The following SNX29 variants were observed in gnomAD, a reference collection of about 807,000 sequenced individuals.
SNX29 encodes sorting nexin 29.
Under a neutral mutation model 102.1 loss-of-function variants are expected in SNX29, and 78 were observed. That is an observed-to-expected ratio of 0.76 (90% CI 0.64 to 0.92). The LOEUF (loss-of-function observed/expected upper bound fraction) is 0.92, where lower values mean the gene tolerates loss of function less well. SNX29 is among the 40% of genes least tolerant of loss of function. The probability of loss-of-function intolerance (pLI) is 0.00; values close to 1 mark genes in which losing one functional copy is unlikely to be tolerated. For missense variants in SNX29, 1,280 were observed against 1,061.7 expected (o/e 1.21, Z -2.86); for synonymous variants, 580 against 414.5 (o/e 1.40, Z -4.85).
At chr16:12,142,522 C>A (rs1018689551) in intron 13 of SNX29, among the ~76,000 whole-genome samples, 3 of 152,182 alleles carry the variant, frequency 2.0e-5, no homozygotes, top group African/African-American at 7.2e-5. Context: ...CAGTTTGATG[C>A]TACTGATGAA....
chr16:12,210,159 C>T (rs1299236037), intron 14 of SNX29, among the ~76,000 whole-genome samples: 1 of 152,176 alleles, frequency 6.6e-6, no homozygotes, highest in East Asian at 1.9e-4. Flanking sequence ...TCCAGGCACA[C>T]TGGTTCAGGG....
intron 13 of SNX29, among the ~76,000 whole-genome samples, chr16:12,161,942 C>T (rs1166568769): frequency 6.6e-6 from 1 of 152,202 alleles, no homozygotes; most frequent in East Asian, 1.9e-4. Context: ...TCAGGTATTC[C>T]TGATGAGCAA....
chr16:12,414,182 A>G (rs747372897), intron 18 of SNX29, among the ~76,000 whole-genome samples: 23 of 152,190 alleles, frequency 1.5e-4, no homozygotes, highest in Admixed American at 7.2e-4. Context: ...TGGATGCAGA[A>G]CCCACTGATA....
At chr16:12,460,657 CTTTT>C (rs56823217) in intron 18 of SNX29, among the ~76,000 whole-genome samples, 5 of 133,684 alleles carry the variant, frequency 3.7e-5, no homozygotes, top group Non-Finnish European at 6.4e-5. Context: ...TGTGTGAACT[CTTTT>C]TTTTTTTTTT....
chr16:12,562,386 A>G (rs1197674534), intron 20 of SNX29, among the ~76,000 whole-genome samples: 2 of 150,726 alleles, frequency 1.3e-5, no homozygotes, highest in Non-Finnish European at 3.0e-5. Context: ...AAAACAGCTC[A>G]AGAGACAGAT....
At chr16:12,342,313 A>G (rs945046231) in intron 15 of SNX29, among the ~76,000 whole-genome samples, 1 of 152,166 alleles carries the variant, frequency 6.6e-6, no homozygotes, top group Non-Finnish European at 1.5e-5. Context: ...TTAACATACA[A>G]GATCTCGGTC....
At chr16:12,115,375 G>A (rs2053653320) in intron 11 of SNX29, among the ~76,000 whole-genome samples, 1 of 151,808 alleles carries the variant, frequency 6.6e-6, no homozygotes, top group Non-Finnish European at 1.5e-5. Flanking sequence ...ACCCCAGGCA[G>A]GGATGGGACA....
intron 13 of SNX29, among the ~76,000 whole-genome samples, chr16:12,166,983 G>T (rs1488974823): frequency 1.3e-5 from 2 of 152,192 alleles, no homozygotes; most frequent in Admixed American, 1.3e-4. Context: ...TCAGCCAGTG[G>T]TTAAGGAAGG....
chr16:12,437,926 C>T (rs975108042), intron 18 of SNX29, among the ~76,000 whole-genome samples: 16 of 152,140 alleles, frequency 1.1e-4, no homozygotes, highest in Admixed American at 7.2e-4. Context: ...AGCCCAGGGC[C>T]CCAGCGGTCC....
chr16:12,247,081 G>C (rs2078281235), intron 14 of SNX29, among the ~76,000 whole-genome samples: 1 of 152,172 alleles, frequency 6.6e-6, no homozygotes, highest in South Asian at 2.1e-4. Flanking sequence ...GAAAACCTTT[G>C]AAGAGTCCTA....
chr16:12,560,904 A>G (rs1457748113), intron 20 of SNX29: 2 of 195,446 alleles, frequency 1.0e-5, no homozygotes, highest in South Asian at 3.9e-4. Context: ...GGCTTTTTTA[A>G]TCCTTTTAAA....
At chr16:12,494,269 C>T (rs1362348870) in intron 19 of SNX29, among the ~76,000 whole-genome samples, 5 of 152,152 alleles carry the variant, frequency 3.3e-5, no homozygotes, top group Non-Finnish European at 7.4e-5. Context: ...CTGCGTCCTC[C>T]CTGTGCCTCC....
rs186052692 is a variant in SNX29 at position 12,550,302 on chromosome 16, C to A, written c.2319-18204C>A. Among the ~76,000 whole-genome samples the A allele has an allele frequency of 1.4e-3, 208 of 152,240 alleles. 2 individuals carry two copies. The highest frequency in any genetic ancestry group is 4.8e-3 in the African/African-American group (200 of 41,548). On this transcript the variant is annotated intron_variant, in intron 20 of 20. Transcript: ENST00000566228. Reference sequence around the variant, plus strand: ...CTGTAATCCCAGTACTGTGGGAGGCCAAGGTGGTTGGGTCACCTGAGGTCG... The same window carrying A: ...CTGTAATCCCAGTACTGTGGGAGGCAAAGGTGGTTGGGTCACCTGAGGTCG...
chr16:12,205,064 A>G (rs2077011036), intron 14 of SNX29, among the ~76,000 whole-genome samples: 1 of 152,218 alleles, frequency 6.6e-6, no homozygotes, highest in Non-Finnish European at 1.5e-5. Context: ...CCTTCCAAAG[A>G]ATGGGGCAGG....
At chr16:12,458,093 C>A (rs1369887459) in intron 18 of SNX29, among the ~76,000 whole-genome samples, 3 of 152,036 alleles carry the variant, frequency 2.0e-5, no homozygotes, top group Admixed American at 1.3e-4. Context: ...TGCAGCTGTG[C>A]AAAAAAGACT....
chr16:12,537,494 A>G (rs968678273), intron 20 of SNX29, among the ~76,000 whole-genome samples: 1 of 152,188 alleles, frequency 6.6e-6, no homozygotes, highest in Non-Finnish European at 1.5e-5. Context: ...TGATAGTGGC[A>G]GAGATTTCAC....
At chr16:12,022,895 C>CTTTTTTTT (rs34712388) in intron 3 of SNX29, among the ~76,000 whole-genome samples, 1 of 124,168 alleles carries the variant, frequency 8.1e-6, no homozygotes, top group South Asian at 2.5e-4. Context: ...TACCTTATTC[C>CTTTTTTTT]TTTTTTTTTT....
chr16:12,162,273 A>G (rs550751124), intron 13 of SNX29, among the ~76,000 whole-genome samples: 24 of 152,284 alleles, frequency 1.6e-4, no homozygotes, highest in African/African-American at 5.3e-4. Context: ...TTACCCTCTC[A>G]TCGTCCATCC....
At chr16:12,278,885 C>T (rs550311172) in intron 15 of SNX29, among the ~76,000 whole-genome samples, 2 of 152,054 alleles carry the variant, frequency 1.3e-5, no homozygotes, top group Non-Finnish European at 2.9e-5. Context: ...TCATTAGTAG[C>T]CTCAAAGAGG....
Sources: gnomAD v4.1 joint callset for allele counts (sites outside exome capture counted in the v4.1 genomes callset) on GRCh38, gnomAD v4.1.1 for gene constraint, MANE v1.5 for transcripts, NCBI Gene and HGNC (gene_info 2026-07-23, HGNC 2026-07-21) for gene names.